The following RADIL variants were observed in gnomAD, a reference collection of about 807,000 sequenced individuals.
RADIL encodes the protein Rap associating with DIL domain, also known as ras-associating and dilute domain-containing protein.
Under a neutral mutation model 97.6 loss-of-function variants are expected in RADIL, and 99 were observed. The ratio of observed to expected loss-of-function variants is 1.01; its 90% confidence interval spans 0.86 to 1.20. RADIL has a LOEUF of 1.20. RADIL is among the 50% of genes most tolerant of loss of function. RADIL has a pLI of 0.00. For missense variants in RADIL, 1,765 were observed against 1,498.9 expected (o/e 1.18, Z -2.93); for synonymous variants, 803 against 691.8 (o/e 1.16, Z -2.52).
intron 9 of RADIL, among the ~76,000 whole-genome samples, chr7:4,812,033 C>T (rs1427542862): frequency 1.3e-5 from 2 of 151,976 alleles, no homozygotes; most frequent in Non-Finnish European, 2.9e-5. Flanking sequence ...CATCACCATG[C>T]CTGGCTACTT....
intron 5 of RADIL, among the ~76,000 whole-genome samples, chr7:4,829,395 C>CT (rs745374495): frequency 1.3e-5 from 2 of 152,178 alleles, no homozygotes; most frequent in African/African-American, 2.4e-5. Context: ...CGGAGCTCAG[C>CT]TCTCCCTGGG....
At chr7:4,806,524 G>A (rs1195525034) in intron 9 of RADIL, among the ~76,000 whole-genome samples, 1 of 152,190 alleles carries the variant, frequency 6.6e-6, no homozygotes, top group Non-Finnish European at 1.5e-5. Context: ...AGCCTACACC[G>A]TAAGGAAGGG....
intron 2 of RADIL, among the ~76,000 whole-genome samples, chr7:4,853,040 A>C (rs966389247): frequency 2.0e-5 from 3 of 152,102 alleles, no homozygotes; most frequent in Non-Finnish European, 4.4e-5. Context: ...AGATGATGAG[A>C]TTTTAGACTT....
chr7:4,859,760 G>C, intron 2 of RADIL: 1 of 622,006 alleles, frequency 1.6e-6, no homozygotes, highest in Non-Finnish European at 2.8e-6. Flanking sequence ...GATGTTCCCT[G>C]AGAGGCCAAT....
intron 9 of RADIL, among the ~76,000 whole-genome samples, chr7:4,806,554 T>G (rs1782315811): frequency 6.6e-6 from 1 of 152,228 alleles, no homozygotes; most frequent in South Asian, 2.1e-4. Flanking sequence ...CCAATAAAAT[T>G]AAACAGCCTC....
rs115838556 is a variant in RADIL at position 4,837,844 on chromosome 7, C to G, written c.536-1239G>C. 1.0e-6 allele frequency: 1 copy of G among 985,308 alleles called. No homozygotes were observed. Among genetic ancestry groups the G allele is most frequent in the Non-Finnish European group, 1.2e-6 (1 of 829,948 alleles). The allele number at this position is 985,308 out of a possible 1,614,324, so 61.0% of individuals were successfully genotyped here. Reference sequence around the variant, plus strand: ...AACCGCTCACCAGTCCCCAGCTGACCCGGCGCTGTCTTTTCTGAGCCCTCT... The same window carrying G: ...AACCGCTCACCAGTCCCCAGCTGACGCGGCGCTGTCTTTTCTGAGCCCTCT... On this transcript the variant is annotated intron_variant, in intron 2 of 14. Transcript: ENST00000399583. This position sits in a 1 kb window ranked among gnomAD's most constrained non-coding sequence, Gnocchi z 5.6.
At chr7:4,861,278 GTCTGTAGTGCTAA>G in intron 2 of RADIL, 1 of 1,614,134 alleles carries the variant, frequency 6.2e-7, no homozygotes, top group Non-Finnish European at 8.5e-7. Flanking sequence ...TTCTGGAATA[GTCTGTAGTGCTAA>G]TCTTGCAAAT....
intron 9 of RADIL, among the ~76,000 whole-genome samples, chr7:4,812,497 C>G (rs1021136568): frequency 6.6e-6 from 1 of 152,168 alleles, no homozygotes; most frequent in Non-Finnish European, 1.5e-5. Context: ...TCTCGGCTCA[C>G]TGCAGCCTCT....
At chr7:4,805,916 G>C in intron 9 of RADIL, 200 bp from the exon 10 acceptor site, 1 of 985,376 alleles carries the variant, frequency 1.0e-6, no homozygotes, top group South Asian at 4.7e-5. Context: ...CTGCTCCAGG[G>C]AGAGGCCGGC....
intron 1 of RADIL, among the ~76,000 whole-genome samples, chr7:4,881,243 T>G (rs1212143593): frequency 1.4e-5 from 2 of 142,382 alleles, no homozygotes; most frequent in African/African-American, 5.3e-5. Context: ...ATGAAACCCT[T>G]TTTCTACTAA....
At position 4,834,510 on chromosome 7, in the gene RADIL, G is replaced by A. The variant is rs535718010; in HGVS notation, c.1416+97C>T. On this transcript the variant is annotated intron_variant, in intron 4 of 14. Transcript: ENST00000399583. The surrounding 1 kb of genome is among the most constrained non-coding windows in gnomAD (Gnocchi z 6.0). Reference sequence around the variant, plus strand: ...CAGCAGCACAGCACCGTGGGGGTCAGATAGAGGCGCTCCCGCCTCCCAGCC... The same window carrying A: ...CAGCAGCACAGCACCGTGGGGGTCAAATAGAGGCGCTCCCGCCTCCCAGCC... The A allele has an allele frequency of 2.0e-5, 24 of 1,225,590 alleles. No homozygotes were observed. Among genetic ancestry groups the A allele is most frequent in the Admixed American group, 4.0e-5 (1 of 25,212 alleles). 75.9% of individuals were successfully genotyped at this position (1,225,590 alleles called of 1,614,324 possible).
chr7:4,839,057 G>A (rs1003770417), intron 2 of RADIL, among the ~76,000 whole-genome samples: 3 of 152,258 alleles, frequency 2.0e-5, no homozygotes, highest in African/African-American at 4.8e-5. Flanking sequence ...GGAGAGCTCT[G>A]CAGAGAGAAG....
Position 4,837,381 on chromosome 7 carries a change from C to T in RADIL, c.536-776G>A, listed in dbSNP as rs3763381. ...CCCTGGGGGTGGTGCTCTGACGAGA[C>T]GAGACGGACTGGTCAGCATCCTGCC... On this transcript the variant is annotated intron_variant, in intron 2 of 14. Coordinates refer to ENST00000399583, the MANE Select transcript of RADIL (RefSeq NM_018059.5). The surrounding 1 kb of genome is among the most constrained non-coding windows in gnomAD (Gnocchi z 5.6). Among the ~76,000 whole-genome samples, 84,854 of 152,074 alleles carry T rather than the reference C, an allele frequency of 0.56. 24,625 individuals are homozygous for T. Among genetic ancestry groups the T allele is most frequent in the African/African-American group, 0.72 (29,723 of 41,502 alleles).
In RADIL at chr7:4,873,926, C is replaced by A. The variant is rs1472050773; in HGVS notation, c.535+3679G>T. Among the ~76,000 whole-genome samples the A allele has an allele frequency of 1.3e-5, 2 of 152,232 alleles. No individual in the cohort carries two copies. Among genetic ancestry groups the A allele is most frequent in the Non-Finnish European group, 2.9e-5 (2 of 68,050 alleles). On this transcript the variant is annotated intron_variant, in intron 2 of 14. Transcript: ENST00000399583. This position sits in a 1 kb window ranked among gnomAD's most constrained non-coding sequence, Gnocchi z 4.3. Reference sequence around the variant, plus strand: ...CTGGAGAAGCTGCTACAGTGAAAAACCCCTCGGCTTCCCACCTCCTCCCCT... The same window carrying A: ...CTGGAGAAGCTGCTACAGTGAAAAAACCCTCGGCTTCCCACCTCCTCCCCT...
At chr7:4,816,524 G>T (rs146544452) in intron 7 of RADIL, 59 bp from the exon 8 acceptor site, 1 of 1,435,162 alleles carries the variant, frequency 7.0e-7, no homozygotes, top group East Asian at 2.3e-5. Context: ...GCGGCCGAAC[G>T]GGGGGCCTGA....
In RADIL at chr7:4,821,012, G is replaced by A. The variant is rs1259346587; in HGVS notation, c.1615+1382C>T. 1.6e-4 allele frequency among the ~76,000 whole-genome samples: 24 copies of A among 152,176 alleles called. No homozygotes were observed. The highest frequency in any genetic ancestry group is 1.6e-3 in the Admixed American group (24 of 15,284). The stretch of plus-strand genomic sequence containing the variant: ...TTGTGTCCTCCGGGCTGTCTCAGAT[G>A]CAGCCACAGCCACAGCCCCCTCCCA... On this transcript the variant is annotated intron_variant, in intron 6 of 14. Transcript: ENST00000399583. The surrounding 1 kb of genome is among the most constrained non-coding windows in gnomAD (Gnocchi z 5.2).
intron 4 of RADIL, among the ~76,000 whole-genome samples, chr7:4,832,758 AAAAAAG>A (rs1232055943): frequency 6.9e-6 from 1 of 145,574 alleles, no homozygotes; most frequent in African/African-American, 2.8e-5. Flanking sequence ...AAAAAAAAAA[AAAAAAG>A]AATTATTCTT....
At position 4,822,636 on chromosome 7, in the gene RADIL, G is replaced by A. The variant is rs1378275547; in HGVS notation, c.1455-82C>T. 1 of 1,479,890 alleles carries A rather than the reference G, an allele frequency of 6.8e-7. No individual in the cohort carries two copies. The highest frequency in any genetic ancestry group is 1.4e-5 in the African/African-American group (1 of 71,076). The allele number at this position is 1,479,890 out of a possible 1,614,324, so 91.7% of individuals were successfully genotyped here. On this transcript the variant is annotated intron_variant, in intron 5 of 14. Coordinates refer to ENST00000399583, the MANE Select transcript of RADIL (RefSeq NM_018059.5). The surrounding 1 kb of genome is among the most constrained non-coding windows in gnomAD (Gnocchi z 5.3). Reference sequence around the variant, plus strand: ...TCTACCACTCTTTCTACATAAGGATGCGCGTTTTCATGGGACGCTGACAAC... The same window carrying A: ...TCTACCACTCTTTCTACATAAGGATACGCGTTTTCATGGGACGCTGACAAC...
chr7:4,832,971 G>C (rs916660989), intron 4 of RADIL, among the ~76,000 whole-genome samples: 1 of 152,174 alleles, frequency 6.6e-6, no homozygotes, highest in South Asian at 2.1e-4. Context: ...CCCACAGTGG[G>C]TGCAGGGGGA....
Sources: allele counts gnomAD v4.1 joint callset (sites outside exome capture counted in the v4.1 genomes callset), GRCh38; gene constraint gnomAD v4.1.1; non-coding constraint Gnocchi (gnomAD v3.1); transcripts MANE v1.5; gene names NCBI Gene and HGNC (gene_info 2026-07-23, HGNC 2026-07-21).